The following REDIC1 variants were observed in gnomAD, a reference collection of about 807,000 sequenced individuals.
REDIC1 encodes the protein HEI10 Interacting Protein 1.
At chr12:39,852,243 A>T in the REDIC1 span, among the ~76,000 whole-genome samples, 1 of 152,208 alleles carries the variant, frequency 6.6e-6, no homozygotes, top group Non-Finnish European at 1.5e-5. Context: ...AGAAATAAAG[A>T]TGGACCCGTC....
At chr12:39,841,564 A>T in the REDIC1 span, among the ~76,000 whole-genome samples, 1 of 152,256 alleles carries the variant, frequency 6.6e-6, no homozygotes, top group Non-Finnish European at 1.5e-5. Flanking sequence ...ATCTATATAC[A>T]TATACATATG....
the REDIC1 span, among the ~76,000 whole-genome samples, chr12:39,801,247 TAAA>T: frequency 2.3e-5 from 3 of 131,340 alleles, no homozygotes; most frequent in South Asian, 2.6e-4. Flanking sequence ...AGAGTATAAT[TAAA>T]AAAAAAATCA....
At chr12:39,687,882 A>G in the REDIC1 span, among the ~76,000 whole-genome samples, 5 of 152,206 alleles carry the variant, frequency 3.3e-5, no homozygotes, top group Admixed American at 2.0e-4. Flanking sequence ...CTGAGTTGCT[A>G]AAGTCTTCAC....
the REDIC1 span, among the ~76,000 whole-genome samples, chr12:39,885,468 C>T: frequency 6.6e-6 from 1 of 152,090 alleles, no homozygotes; most frequent in East Asian, 1.9e-4. Flanking sequence ...CCTTGATCCC[C>T]GCTTCTACAA....
At chr12:39,786,482 C>T in the REDIC1 span, among the ~76,000 whole-genome samples, 1 of 152,034 alleles carries the variant, frequency 6.6e-6, no homozygotes, top group South Asian at 2.1e-4. Flanking sequence ...TGGACTAATA[C>T]ACCCAGAAAG....
the REDIC1 span, among the ~76,000 whole-genome samples, chr12:39,775,261 G>A: frequency 6.6e-6 from 1 of 152,190 alleles, no homozygotes; most frequent in Non-Finnish European, 1.5e-5. Flanking sequence ...GGGCCACAAA[G>A]GTTGGTCTGG....
chr12:39,712,943 G>A, the REDIC1 span, among the ~76,000 whole-genome samples: 5 of 143,754 alleles, frequency 3.5e-5, no homozygotes, highest in African/African-American at 1.0e-4. Flanking sequence ...GTATATACGT[G>A]TATATACATA....
At chr12:39,745,706 AT>A in the REDIC1 span, among the ~76,000 whole-genome samples, 5 of 152,222 alleles carry the variant, frequency 3.3e-5, no homozygotes, top group Non-Finnish European at 7.3e-5. Context: ...TATCATCCAA[AT>A]GTGTTTATGT....
the REDIC1 span, among the ~76,000 whole-genome samples, chr12:39,702,356 C>A: frequency 6.6e-6 from 1 of 152,206 alleles, no homozygotes. Flanking sequence ...AATTACTCAA[C>A]ACATACACCC....
chr12:39,877,723 A>T, the REDIC1 span, among the ~76,000 whole-genome samples: 2,199 of 152,334 alleles, frequency 0.014, 61 homozygotes, highest in African/African-American at 0.048. Context: ...ATATCAGCCA[A>T]CCATTTAAGT....
At chr12:39,633,685 G>A in the REDIC1 span, among the ~76,000 whole-genome samples, 1 of 152,108 alleles carries the variant, frequency 6.6e-6, no homozygotes, top group Non-Finnish European at 1.5e-5. Context: ...TTGCTACCAT[G>A]TTACGACAAC....
At chr12:39,712,029 C>CCTACCTGT in the REDIC1 span, among the ~76,000 whole-genome samples, 16 of 113,282 alleles carry the variant, frequency 1.4e-4, no homozygotes, top group South Asian at 5.7e-4. Context: ...TGTATATATA[C>CCTACCTGT]ATGTATATAT....
At chr12:39,836,488 G>A in the REDIC1 span, among the ~76,000 whole-genome samples, 9 of 151,828 alleles carry the variant, frequency 5.9e-5, no homozygotes, top group Non-Finnish European at 1.2e-4. Context: ...GTTCTGGCCA[G>A]GGCAATTAGG....
chr12:39,631,531 A>T, the REDIC1 span, among the ~76,000 whole-genome samples: 12 of 152,196 alleles, frequency 7.9e-5, no homozygotes, highest in African/African-American at 2.9e-4. Context: ...ATTTAGATAA[A>T]TATTTAAAAG....
At chr12:39,853,672 T>A in the REDIC1 span, among the ~76,000 whole-genome samples, 1 of 151,836 alleles carries the variant, frequency 6.6e-6, no homozygotes, top group Non-Finnish European at 1.5e-5. Context: ...TGCTACAGCC[T>A]GGTGTTTCAT....
chr12:39,660,735 T>A, the REDIC1 span, among the ~76,000 whole-genome samples: 2 of 152,100 alleles, frequency 1.3e-5, no homozygotes, highest in Admixed American at 1.3e-4. Flanking sequence ...TACTCTACTA[T>A]CAAATATTAG....
the REDIC1 span, among the ~76,000 whole-genome samples, chr12:39,747,578 C>A: frequency 1.3e-5 from 2 of 152,228 alleles, no homozygotes; most frequent in East Asian, 3.9e-4. Flanking sequence ...ACAGAGAACG[C>A]CACAAAGATA....
At chr12:39,896,606 A>G in the REDIC1 span, among the ~76,000 whole-genome samples, 83 of 151,328 alleles carry the variant, frequency 5.5e-4, 1 homozygote, top group Middle Eastern at 4.0e-3. Flanking sequence ...ATATGTATGT[A>G]TATGTGTTTA....
the REDIC1 span, among the ~76,000 whole-genome samples, chr12:39,827,320 T>C: frequency 6.6e-6 from 1 of 152,168 alleles, no homozygotes. Context: ...TTTCCATTTG[T>C]AGTCCCAAAT....
Sources: gnomAD v4.1 joint callset for allele counts (sites outside exome capture counted in the v4.1 genomes callset) on GRCh38, gnomAD v4.1.1 for gene constraint, MANE v1.5 for transcripts, NCBI Gene and HGNC (gene_info 2026-07-23, HGNC 2026-07-21) for gene names.